KCNQ5: variants seen among roughly 807,000 people sequenced by gnomAD.
KCNQ5 encodes potassium voltage-gated channel subfamily Q member 5, also known as potassium voltage-gated channel subfamily KQT member 5.
In KCNQ5, 30 loss-of-function variants were observed where a neutral mutation model predicts 98.2. That is an observed-to-expected ratio of 0.31 (90% CI 0.23 to 0.41). KCNQ5 has a LOEUF of 0.41. Among genes scored for constraint, KCNQ5 ranks in the 10% least tolerant of loss-of-function variants. KCNQ5 has a pLI of 1.00. For synonymous variants in KCNQ5, 458 were observed against 449.4 expected, an observed-to-expected ratio of 1.02 and a Z score of -0.24; for missense variants, 835 against 1,182.5, an observed-to-expected ratio of 0.71 and a Z score of 4.31.
chr6:72,707,109 A>G (rs1561933847), intron 1 of KCNQ5, among the ~76,000 whole-genome samples: 1 of 152,248 alleles, frequency 6.6e-6, no homozygotes. Flanking sequence ...TTCAACTGGA[A>G]ATGACAATTA....
At chr6:72,884,599 TA>T (rs894062106) in intron 1 of KCNQ5, among the ~76,000 whole-genome samples, 7 of 148,988 alleles carry the variant, frequency 4.7e-5, no homozygotes, top group African/African-American at 1.8e-4. Context: ...GAAATCATTA[TA>T]AAAATTCAAA....
At chr6:73,116,657 T>C (rs981506941) in intron 7 of KCNQ5, among the ~76,000 whole-genome samples, 16 of 152,066 alleles carry the variant, frequency 1.1e-4, no homozygotes, top group African/African-American at 3.9e-4. Context: ...GCCTGGGTGA[T>C]AGAGTATGAC....
chr6:73,175,826 C>T (rs115953536), intron 11 of KCNQ5, among the ~76,000 whole-genome samples: 3,078 of 151,802 alleles, frequency 0.02, 102 homozygotes, highest in African/African-American at 0.07. Context: ...AGTGACAGGA[C>T]GGTTTGGGCC....
intron 1 of KCNQ5, among the ~76,000 whole-genome samples, chr6:72,745,572 T>A (rs1189720906): frequency 6.6e-6 from 1 of 152,228 alleles, no homozygotes; most frequent in Non-Finnish European, 1.5e-5. Context: ...TATATTTTTG[T>A]TTGAAATTAA....
chr6:73,163,753 T>A (rs1480791694), intron 10 of KCNQ5, among the ~76,000 whole-genome samples: 1 of 151,978 alleles, frequency 6.6e-6, no homozygotes, highest in Non-Finnish European at 1.5e-5. Context: ...GTCTCAAAAA[T>A]AAAATAAATA....
intron 5 of KCNQ5, among the ~76,000 whole-genome samples, chr6:73,096,790 C>G (rs559121434): frequency 6.6e-6 from 1 of 152,096 alleles, no homozygotes; most frequent in African/African-American, 2.4e-5. Flanking sequence ...CTCCTATAAT[C>G]CCAGCATTTT....
chr6:72,632,331 C>T (rs1255956723), intron 1 of KCNQ5, among the ~76,000 whole-genome samples: 1 of 151,706 alleles, frequency 6.6e-6, no homozygotes, highest in African/African-American at 2.4e-5. Context: ...TTAGTAGAGA[C>T]GGGGTTTCAC....
intron 2 of KCNQ5, among the ~76,000 whole-genome samples, chr6:73,035,137 G>C (rs918366129): frequency 6.6e-6 from 1 of 151,946 alleles, no homozygotes; most frequent in South Asian, 2.1e-4. Flanking sequence ...GAACCACCGC[G>C]CCCGGCCACC....
intron 3 of KCNQ5, among the ~76,000 whole-genome samples, chr6:73,065,197 C>T (rs763232896): frequency 2.6e-5 from 4 of 152,206 alleles, no homozygotes; most frequent in South Asian, 2.1e-4. Context: ...TCAAATAGTG[C>T]TCCTCACCTA....
At chr6:72,876,299 T>C (rs1453427762) in intron 1 of KCNQ5, among the ~76,000 whole-genome samples, 1 of 152,150 alleles carries the variant, frequency 6.6e-6, no homozygotes, top group African/African-American at 2.4e-5. Flanking sequence ...TAAAATTCCC[T>C]ATATATTTGA....
At chr6:73,118,389 A>G (rs1450221446) in intron 7 of KCNQ5, among the ~76,000 whole-genome samples, 3 of 152,146 alleles carry the variant, frequency 2.0e-5, no homozygotes, top group Middle Eastern at 3.2e-3. Flanking sequence ...TGGTGTCACA[A>G]ATTTTCTGTT....
At chr6:73,135,397 G>A (rs539854911) in intron 10 of KCNQ5, 1 of 142,424 alleles carries the variant, frequency 7.0e-6, no homozygotes, top group African/African-American at 2.8e-5. Context: ...GGCAATAAAG[G>A]ATTTTCTTTT....
At chr6:72,966,894 A>G (rs1753005907) in intron 1 of KCNQ5, among the ~76,000 whole-genome samples, 1 of 152,186 alleles carries the variant, frequency 6.6e-6, no homozygotes, top group Admixed American at 6.5e-5. Flanking sequence ...TTACCCAATT[A>G]CACCTTGAAG....
At chr6:72,873,465 TA>T (rs150411315) in intron 1 of KCNQ5, among the ~76,000 whole-genome samples, 2,219 of 152,246 alleles carry the variant, frequency 0.015, 43 homozygotes, top group Middle Eastern at 0.051. Context: ...GGTGAGATTT[TA>T]TTTGACCCCA....
intron 1 of KCNQ5, among the ~76,000 whole-genome samples, chr6:72,758,915 A>G (rs9446749): frequency 6.6e-6 from 1 of 152,106 alleles, no homozygotes; most frequent in East Asian, 1.9e-4. Context: ...GAATAAAGCC[A>G]TATTAGGAAG....
chr6:72,637,454 T>C (rs2098924853), intron 1 of KCNQ5, among the ~76,000 whole-genome samples: 1 of 152,062 alleles, frequency 6.6e-6, no homozygotes, highest in South Asian at 2.1e-4. Flanking sequence ...GAAACACTTC[T>C]TCCATTTGTT....
intron 1 of KCNQ5, among the ~76,000 whole-genome samples, chr6:72,870,819 T>G (rs920758978): frequency 6.6e-6 from 1 of 152,212 alleles, no homozygotes; most frequent in East Asian, 1.9e-4. Context: ...AGATTTCTTA[T>G]GTATGTCATC....
intron 1 of KCNQ5, among the ~76,000 whole-genome samples, chr6:72,673,654 G>T (rs955212588): frequency 3.9e-5 from 6 of 152,116 alleles, no homozygotes; most frequent in African/African-American, 1.4e-4. Context: ...AGGACGTGGA[G>T]TGGGAATATT....
chr6:73,036,384 T>C (rs1582233183), intron 2 of KCNQ5, among the ~76,000 whole-genome samples: 1 of 24,656 alleles, frequency 4.1e-5, no homozygotes, highest in African/African-American at 1.0e-4. Flanking sequence ...AGACTCTGTC[T>C]CAAAAAAAAA....
Sources: gnomAD v4.1 joint callset for allele counts (sites outside exome capture counted in the v4.1 genomes callset) on GRCh38, gnomAD v4.1.1 for gene constraint, MANE v1.5 for transcripts, NCBI Gene and HGNC (gene_info 2026-07-23, HGNC 2026-07-21) for gene names.